Variants in HDAC9 observed in about 807,000 individuals in gnomAD.
The protein encoded by HDAC9 is MEF-2 interacting transcription repressor (MITR) protein.
In HDAC9, 41 loss-of-function variants were observed where a neutral mutation model predicts 139.4. That is an observed-to-expected ratio of 0.29 (90% CI 0.23 to 0.38). The LOEUF is 0.38. Ranked by LOEUF, HDAC9 falls within the 10% of genes least tolerant of loss-of-function variation. The pLI, the probability that HDAC9 is intolerant of heterozygous loss-of-function variation, is 1.00. For missense variants in HDAC9, 1,147 were observed against 1,297.0 expected, an observed-to-expected ratio of 0.88 and a Z score of 1.78; for synonymous variants, 517 against 476.2, an observed-to-expected ratio of 1.09 and a Z score of -1.12.
At chr7:18,368,086 C>T (rs1286135304) in intron 1 of HDAC9, among the ~76,000 whole-genome samples, 1 of 152,038 alleles carries the variant, frequency 6.6e-6, no homozygotes, top group African/African-American at 2.4e-5. Flanking sequence ...AATTTTATTA[C>T]CAATATCTTT....
At chr7:18,704,417 T>C (rs1307348023) in intron 12 of HDAC9, among the ~76,000 whole-genome samples, 3 of 152,216 alleles carry the variant, frequency 2.0e-5, no homozygotes, top group Admixed American at 1.3e-4. Context: ...AAAACTCTTA[T>C]TGCAATCCAA....
intron 25 of HDAC9, among the ~76,000 whole-genome samples, chr7:18,979,268 C>G (rs1381388042): frequency 6.6e-6 from 1 of 152,016 alleles, no homozygotes; most frequent in Non-Finnish European, 1.5e-5. Context: ...AATGGCTTAT[C>G]AATAGTTCCA....
At chr7:18,550,266 T>G (rs1484092240) in intron 2 of HDAC9, among the ~76,000 whole-genome samples, 2 of 152,042 alleles carry the variant, frequency 1.3e-5, no homozygotes, top group Non-Finnish European at 2.9e-5. Context: ...TGCTCTATTC[T>G]TCTATTTTTT....
intron 1 of HDAC9, among the ~76,000 whole-genome samples, chr7:18,386,847 G>T (rs561272896): frequency 1.3e-5 from 2 of 152,240 alleles, no homozygotes; most frequent in Admixed American, 1.3e-4. Context: ...AATTTAGTCT[G>T]GTCTCTTGGG....
Position 18,184,655 on chromosome 7 carries a change from G to A in HDAC9, c.25+22306G>A, listed in dbSNP as rs142232446. Among the ~76,000 whole-genome samples, 21 of 152,246 alleles carry A rather than the reference G, an allele frequency of 1.4e-4. 1 individual carries two copies. The East Asian group carries it at 3.7e-3, about 27-fold the overall frequency. On this transcript the variant is annotated intron_variant, in intron 2 of 12. Coordinates refer to the HDAC9 transcript ENST00000417496. The stretch of plus-strand genomic sequence containing the variant: ...TTTGGATTTCAGATTTTCAAAATAG[G>A]TATATTCAACTTATATTAACCAGAT...
intron 1 of HDAC9, among the ~76,000 whole-genome samples, chr7:18,132,661 G>T (rs1174381020): frequency 6.6e-6 from 1 of 152,120 alleles, no homozygotes; most frequent in Admixed American, 6.5e-5. Flanking sequence ...TTTCAAAAAA[G>T]ACAGCATGTT....
At chr7:18,095,665 T>C (rs1382018891) in intron 1 of HDAC9, among the ~76,000 whole-genome samples, 1 of 152,188 alleles carries the variant, frequency 6.6e-6, no homozygotes, top group Non-Finnish European at 1.5e-5. Flanking sequence ...AACATTCTAC[T>C]TAGGTATATA....
Position 18,732,935 on chromosome 7 carries a change from A to G in HDAC9, c.1909+5178A>G, listed in dbSNP as rs202179916. Among the ~76,000 whole-genome samples the G allele has an allele frequency of 1.7e-3, 127 of 73,188 alleles. 16 individuals are homozygous for G. Among genetic ancestry groups the G allele is most frequent in the South Asian group, 7.6e-3 (16 of 2,118 alleles). The allele number at this position is 73,188 out of a possible 152,430, so 48.0% of individuals were successfully genotyped here. On this transcript the variant is annotated intron_variant, in intron 13 of 25. Transcript: ENST00000686413. Reference sequence around the variant, plus strand: ...TATGTGTATACACACGTGTGTATGTATGTGTATACACACGTGTATGTGTGT... The same window carrying G: ...TATGTGTATACACACGTGTGTATGTGTGTGTATACACACGTGTATGTGTGT...
At chr7:18,351,080 T>A (rs1244784430) in intron 1 of HDAC9, among the ~76,000 whole-genome samples, 1 of 152,214 alleles carries the variant, frequency 6.6e-6, no homozygotes, top group Non-Finnish European at 1.5e-5. Flanking sequence ...TTTTCCTTCA[T>A]GAATTTAGTA....
At chr7:18,725,543 G>T (rs1785477252) in intron 12 of HDAC9, among the ~76,000 whole-genome samples, 3 of 152,148 alleles carry the variant, frequency 2.0e-5, no homozygotes, top group African/African-American at 7.2e-5. Flanking sequence ...CTTGCAGGAA[G>T]GAATAGGACT....
intron 1 of HDAC9, among the ~76,000 whole-genome samples, chr7:18,437,342 C>T (rs1044550020): frequency 7.2e-5 from 11 of 152,016 alleles, no homozygotes; most frequent in African/African-American, 2.7e-4. Flanking sequence ...TTCAGCCAAC[C>T]AAAGTCAGAC....
rs1397815983 is a variant in HDAC9, at chr7:18,255,792, C to CTAATTT, written c.25+93445_25+93450dup. On this transcript the variant is annotated intron_variant, in intron 2 of 12. Transcript: ENST00000417496. ...TACAGGCACGCACCATCACGCCCAG[C>CTAATTT]TAATTTTTGTATTTTGGGTAGAGAC... 2.0e-5 allele frequency among the ~76,000 whole-genome samples: 3 copies of CTAATTT among 151,952 alleles called. No individual in the cohort carries two copies. In the East Asian group the frequency reaches 5.8e-4, roughly 29 times the overall value.
At chr7:18,785,328 C>CAA (rs532134794) in intron 16 of HDAC9, among the ~76,000 whole-genome samples, 1 of 145,444 alleles carries the variant, frequency 6.9e-6, no homozygotes, top group African/African-American at 2.5e-5. Context: ...GGTTGTATAC[C>CAA]AAAAAAAAAA....
intron 1 of HDAC9, among the ~76,000 whole-genome samples, chr7:18,435,234 A>G (rs1202094656): frequency 6.6e-6 from 1 of 152,012 alleles, no homozygotes; most frequent in Non-Finnish European, 1.5e-5. Context: ...GAGAAGAACA[A>G]TAGACAGTGG....
intron 1 of HDAC9, among the ~76,000 whole-genome samples, chr7:18,352,466 CATT>C (rs1377680779): frequency 6.6e-6 from 1 of 152,086 alleles, no homozygotes; most frequent in Non-Finnish European, 1.5e-5. Context: ...GTCCTCCTAT[CATT>C]AATTGATTAA....
intron 12 of HDAC9, among the ~76,000 whole-genome samples, chr7:18,701,529 TA>T (rs1254090050): frequency 1.3e-5 from 2 of 152,166 alleles, no homozygotes; most frequent in Non-Finnish European, 2.9e-5. Flanking sequence ...AAAGATGAGT[TA>T]TTTTTTGTTA....
rs139713904 is a variant in HDAC9 at position 18,771,700 on chromosome 7, C to A, written c.2214+4545C>A. Among the ~76,000 whole-genome samples, 713 of 152,104 alleles carry A rather than the reference C, an allele frequency of 4.7e-3. 6 individuals are homozygous for A. Among genetic ancestry groups the A allele is most frequent in the South Asian group, 0.025 (120 of 4,806 alleles). On this transcript the variant is annotated intron_variant, in intron 16 of 25. Coordinates refer to ENST00000686413, the MANE Select transcript of HDAC9 (RefSeq NM_178425.4). ...CCTTCACATTTATTCTCCCCAGTAC[C>A]AGTAAATAGTATTCTAGTGGCAAGC...
chr7:18,332,928 C>A (rs918831664), intron 1 of HDAC9, among the ~76,000 whole-genome samples: 7 of 151,444 alleles, frequency 4.6e-5, no homozygotes, highest in African/African-American at 1.7e-4. Context: ...TAAATTTACA[C>A]AAGGATCCCT....
At chr7:18,810,808 G>A (rs953664549) in intron 17 of HDAC9, among the ~76,000 whole-genome samples, 1 of 151,748 alleles carries the variant, frequency 6.6e-6, no homozygotes, top group African/African-American at 2.4e-5. Flanking sequence ...CACTTAAAAT[G>A]TTTACGTGAT....
Sources: allele counts gnomAD v4.1 joint callset (sites outside exome capture counted in the v4.1 genomes callset), GRCh38; gene constraint gnomAD v4.1.1; transcripts MANE v1.5; gene names NCBI Gene and HGNC (gene_info 2026-07-23, HGNC 2026-07-21).